The following KLRC4 variants were observed in gnomAD, a reference collection of about 807,000 sequenced individuals.
The protein encoded by KLRC4 is NKG2-F type II integral membrane protein.
In KLRC4, 6 loss-of-function variants were observed where a neutral mutation model predicts 14.3. The ratio of observed to expected loss-of-function variants is 0.42; its 90% CI spans 0.23 to 0.83. The LOEUF is 0.83. KLRC4 is among the 40% of genes least tolerant of loss of function. The pLI, the probability that KLRC4 is intolerant of heterozygous loss-of-function variation, is 0.29. For missense variants in KLRC4, 158 were observed against 179.4 expected, an observed-to-expected ratio of 0.88 and a Z score of 0.68; for synonymous variants, 53 against 60.5, an observed-to-expected ratio of 0.88 and a Z score of 0.57.
chr12:10,407,678 C>G lies in KLRC4; in HGVS notation c.452G>C (p.Arg151Pro). 1 of 1,613,664 alleles carries G rather than the reference C, an allele frequency of 6.2e-7. No individual in the cohort carries two copies. Among genetic ancestry groups the G allele is most frequent in the Non-Finnish European group, 8.5e-7 (1 of 1,179,768 alleles). Residue 151 changes from arginine (R) to proline (P), a missense_variant, in exon 4 of 4, where the codon CGA becomes CCA. By Grantham distance (103) the Arg-to-Pro change is moderately radical. Transcript: ENST00000309384. The stretch of plus-strand genomic sequence containing the variant: ...CTATAGAAAGCAGATCAGAGTTCTT[C>G]GAAGCACAGGCCAGCAAACTCTTTC... The part of the protein sequence containing the change: ...WEERVCWPVL[R>P]RTLICFL
chr12:10,408,969 C>G lies in KLRC4; in HGVS notation c.229G>C (p.Gly77Arg). ...GCCATCAGGACAATGCAAATGATTCCTAGGACCTCAGCAGTGAGCTTCTCT... is the reference window on the plus strand; with the variant it reads ...GCCATCAGGACAATGCAAATGATTCGTAGGACCTCAGCAGTGAGCTTCTCT... Reference protein sequence around the residue: ...PPEKLTAEVLGIICIVLMATV... With the variant: ...PPEKLTAEVLRIICIVLMATV... Residue 77 changes from glycine (G) to arginine (R), a missense_variant, in exon 2 of 4, where the codon GGA becomes CGA. Coordinates refer to ENST00000309384, the MANE Select transcript of KLRC4 (RefSeq NM_013431.2). 1 of 1,613,698 alleles carries G rather than the reference C, an allele frequency of 6.2e-7. No individual in the cohort carries two copies. Among genetic ancestry groups the G allele is most frequent in the Non-Finnish European group, 8.5e-7 (1 of 1,179,716 alleles).
Position 10,409,543 on chromosome 12 carries a change from C to G in KLRC4, c.33G>C (p.Val11=), listed in dbSNP as rs1324466646. The G allele has an allele frequency of 6.2e-7, 1 of 1,613,906 alleles. No homozygotes were observed. The highest frequency in any genetic ancestry group is 1.1e-5 in the South Asian group (1 of 91,054). The stretch of plus-strand genomic sequence containing the variant: ...GCCTCTTTGGGTCCTGGGCCAGACT[C>G]ACTTCTGAGTAGGTTCCTCTTTGTT... The part of the protein sequence containing the change: MNKQRGTYSE[V]SLAQDPKRQQ... Residue 11 remains valine (V), a synonymous_variant, in exon 1 of 4, where the codon GTG becomes GTC. Coordinates refer to ENST00000309384, the MANE Select transcript of KLRC4 (RefSeq NM_013431.2).
At position 10,409,752 on chromosome 12, in the gene KLRC4, GT is replaced by G. The variant is rs1863555715; in HGVS notation, c.-178del. 3 of 912,578 alleles carry G rather than the reference GT, an allele frequency of 3.3e-6. No homozygotes were observed. In the South Asian group the frequency reaches 1.2e-4, roughly 36 times the overall value. The allele number at this position is 912,578 out of a possible 1,614,324, so 56.5% of individuals were successfully genotyped here. ...AAAAGTCTGGTACTAATTTCCTAAA[GT>G]TTTAAACTGAAATCTCTTTAAACAA... is the stretch of plus-strand genomic sequence containing the variant. On this transcript the variant is annotated 5_prime_UTR_variant, in exon 1 of 4. Coordinates refer to ENST00000309384, the MANE Select transcript of KLRC4 (RefSeq NM_013431.2).
Position 10,409,698 on chromosome 12 carries a change from G to A in KLRC4, c.-123C>T. 1 of 1,328,876 alleles carries A rather than the reference G, an allele frequency of 7.5e-7. No homozygotes were observed. The highest frequency in any genetic ancestry group is 1.8e-5 in the South Asian group (1 of 55,034). The allele number at this position is 1,328,876 out of a possible 1,614,324, so 82.3% of individuals were successfully genotyped here. A position where few individuals can be genotyped will look rare whatever the true frequency, so the allele number is the denominator to read the frequency against. On this transcript the variant is annotated 5_prime_UTR_variant, in exon 1 of 4. Coordinates refer to ENST00000309384, the MANE Select transcript of KLRC4 (RefSeq NM_013431.2). The stretch of plus-strand genomic sequence containing the variant: ...AACTGCATGTGTTGGAGGCTGAGTA[G>A]TAATGTTCATTTTGCTGTTGACCAA...
chr12:10,408,715 C>T (rs963993833), intron 2 of KLRC4, among the ~76,000 whole-genome samples, 197 bp downstream of exon 2: 1 of 151,700 alleles, frequency 6.6e-6, no homozygotes, highest in African/African-American at 2.4e-5. Flanking sequence ...ATATTTAGTA[C>T]ACACAAAAAA....
rs1429409896 is a variant in KLRC4 at position 10,407,743 on chromosome 12, G to A, written c.387C>T (p.Asn129=). 1 of 1,613,720 alleles carries A rather than the reference G, an allele frequency of 6.2e-7. No homozygotes were observed. Among genetic ancestry groups the A allele is most frequent in the Admixed American group, 1.7e-5 (1 of 59,996 alleles). ...HCPEEWITYS[N]SCYYIGKERR... is the part of the protein sequence containing the mutation. ...TTTCCTTACCAATGTAATAACAACT[G>A]TTGGAATATGTAATCCACTCCTCAG... The change falls in exon 4 of 4, where the codon AAC becomes AAT. Residue 129 remains asparagine (N), a synonymous_variant. Coordinates refer to ENST00000309384, the MANE Select transcript of KLRC4 (RefSeq NM_013431.2).
In KLRC4 at chr12:10,408,981, C is replaced by T; in HGVS notation, c.217G>A (p.Ala73Thr). The stretch of plus-strand genomic sequence containing the variant: ...ATGCAAATGATTCCTAGGACCTCAG[C>T]AGTGAGCTTCTCTGGAGGTGGCAGT... ...GLLPPPEKLT[A>T]EVLGIICIVL... The change falls in exon 2 of 4, where the codon GCT becomes ACT. Residue 73 changes from alanine (A) to threonine (T), a missense_variant. By Grantham distance (58) the Ala-to-Thr change is moderately conservative (BLOSUM62 0). Transcript: ENST00000309384. The T allele has an allele frequency of 6.2e-7, 1 of 1,613,758 alleles. No homozygotes were observed. Among genetic ancestry groups the T allele is most frequent in the African/African-American group, 1.3e-5 (1 of 75,028 alleles).
intron 3 of KLRC4, 61 bp from the exon 4 acceptor site, chr12:10,407,850 A>G (rs1173909883): frequency 7.1e-6 from 11 of 1,555,568 alleles, no homozygotes; most frequent in Middle Eastern, 2.0e-4. Context: ...ATTATTTTAT[A>G]TATTTGCAAA....
chr12:10,409,212 T>C (rs1045933482), intron 1 of KLRC4, among the ~76,000 whole-genome samples, 177 bp downstream of exon 1: 4 of 152,198 alleles, frequency 2.6e-5, no homozygotes, highest in Non-Finnish European at 4.4e-5. Context: ...TAATCACAAA[T>C]TACAATTGAA....
Position 10,407,632 on chromosome 12 carries a change from T to G in KLRC4, c.*21A>C. On this transcript the variant is annotated 3_prime_UTR_variant, in exon 4 of 4. Transcript: ENST00000309384. ...AGTAAAGTGTTGAAACATTTACGTC[T>G]TACCATTTCTTCCTCATTATCTATA... The G allele has an allele frequency of 6.2e-7, 1 of 1,609,614 alleles. No homozygotes were observed. Among genetic ancestry groups the G allele is most frequent in the Non-Finnish European group, 8.5e-7 (1 of 1,178,512 alleles).
intron 2 of KLRC4, 26 bp from the exon 3 acceptor site, chr12:10,408,408 A>G (rs756406688): frequency 1.8e-6 from 2 of 1,115,466 alleles, no homozygotes; most frequent in Admixed American, 4.2e-5. Context: ...TGATTCTTAC[A>G]AAATTAATAT....
intron 3 of KLRC4, 137 bp downstream of exon 3, chr12:10,408,192 T>C (rs1183416874): frequency 1.7e-6 from 1 of 605,402 alleles, no homozygotes; most frequent in Non-Finnish European, 2.9e-6. Context: ...CATGCCCTCA[T>C]ATAATCTTTA....
rs1330470700 is a variant in KLRC4 at position 10,409,639 on chromosome 12, G to GGT, written c.-66_-65dup. ...TAACTGCACTTAAGAAGCTATAAGT[G>GGT]GTGTATATTTTGACAGGATCCCTGG... On this transcript the variant is annotated 5_prime_UTR_variant, in exon 1 of 4. It removes the in-frame stop codon of an upstream open reading frame in the 5' UTR. Transcript: ENST00000309384. 6.6e-7 allele frequency: 1 copy of GGT among 1,526,276 alleles called. No homozygotes were observed. The highest frequency in any genetic ancestry group is 1.4e-5 in the African/African-American group (1 of 71,582). 94.5% of individuals were successfully genotyped at this position (1,526,276 alleles called of 1,614,324 possible). A position where few individuals can be genotyped will look rare whatever the true frequency, so the allele number is the denominator to read the frequency against.
intron 1 of KLRC4, 35 bp from the exon 2 acceptor site, chr12:10,409,045 G>A: frequency 6.2e-7 from 1 of 1,611,088 alleles, no homozygotes; most frequent in Non-Finnish European, 8.5e-7. Context: ...AGAGAGGGGA[G>A]ATAGAGAGTT....
In KLRC4 at chr12:10,409,381, T is replaced by C. The variant is rs1863550914; in HGVS notation, c.187+8A>G. The C allele has an allele frequency of 6.2e-7, 1 of 1,600,640 alleles. No individual in the cohort carries two copies. Among genetic ancestry groups the C allele is most frequent in the South Asian group, 1.1e-5 (1 of 90,764 alleles). On this transcript the variant is annotated splice_region_variant and intron_variant, in intron 1 of 3. Coordinates refer to ENST00000309384, the MANE Select transcript of KLRC4 (RefSeq NM_013431.2). ...ACAATAATATTGAAGATCTATTTAA[T>C]GTTTTACCTTTGCAGTGATATGTCT...
Position 10,409,452 on chromosome 12 carries a change from C to G in KLRC4, c.124G>C (p.Glu42Gln), listed in dbSNP as rs747973407. ...GAAGAAGCATTTTGAAGGTTTAATT[C>G]TACTTGGAATATTTCCTGTTTGGTT... Reference protein sequence around the residue: ...SGTKQEIFQVELNLQNASSDH... With the variant: ...SGTKQEIFQVQLNLQNASSDH... The change falls in exon 1 of 4, where the codon GAA (glutamate) becomes CAA (glutamine). Residue 42 changes from glutamate to glutamine, a missense_variant. Coordinates refer to ENST00000309384, the MANE Select transcript of KLRC4 (RefSeq NM_013431.2). 1.2e-6 allele frequency: 2 copies of G among 1,613,660 alleles called. No homozygotes were observed. Among genetic ancestry groups the G allele is most frequent in the South Asian group, 2.2e-5 (2 of 91,072 alleles).
chr12:10,409,033 TGA>T, intron 1 of KLRC4, 23 bp from the exon 2 acceptor site: 1 of 1,613,096 alleles, frequency 6.2e-7, no homozygotes, highest in African/African-American at 1.3e-5. Flanking sequence ...AAAGAGGCAC[TGA>T]GAGAGGGGAG....
intron 1 of KLRC4, 50 bp from the exon 2 acceptor site, chr12:10,409,060 A>T (rs773289251): frequency 6.2e-7 from 1 of 1,604,398 alleles, no homozygotes; most frequent in South Asian, 1.1e-5. Flanking sequence ...AGAGTTGATG[A>T]GAAGGTTTAC....
At chr12:10,407,852 A>G in intron 3 of KLRC4, 63 bp from the exon 4 acceptor site, 1 of 1,553,820 alleles carries the variant, frequency 6.4e-7, no homozygotes, top group South Asian at 1.3e-5. Flanking sequence ...TATTTTATAT[A>G]TTTGCAAAGC....
Sources: allele counts gnomAD v4.1 joint callset (sites outside exome capture counted in the v4.1 genomes callset), GRCh38; gene constraint gnomAD v4.1.1; transcripts MANE v1.5; gene names NCBI Gene and HGNC (gene_info 2026-07-23, HGNC 2026-07-21).